ARHGAP25: variants seen among roughly 807,000 people sequenced by gnomAD.
ARHGAP25 encodes Rho GTPase activating protein 25, also known as rho GTPase-activating protein 25.
In ARHGAP25, 34 loss-of-function variants were observed where a neutral mutation model predicts 71.0. The ratio of observed to expected loss-of-function variants is 0.48; its 90% CI spans 0.36 to 0.64. ARHGAP25 has a LOEUF of 0.64. Ranked by LOEUF, ARHGAP25 falls within the 30% of genes least tolerant of loss-of-function variation. ARHGAP25 has a pLI of 0.00. For synonymous variants in ARHGAP25, 282 were observed against 296.5 expected, an observed-to-expected ratio of 0.95 and a Z score of 0.50; for missense variants, 706 against 805.1, an observed-to-expected ratio of 0.88 and a Z score of 1.49.
chr2:68,804,430 C>T (rs10519168), intron 4 of ARHGAP25, among the ~76,000 whole-genome samples: 8,224 of 152,214 alleles, frequency 0.054, 305 homozygotes, highest in Admixed American at 0.099. Flanking sequence ...TGTTTTAAGT[C>T]GGAATATTTC....
At chr2:68,782,407 G>C (rs114607278) in intron 3 of ARHGAP25, 87 bp downstream of exon 3, 6 of 1,251,590 alleles carry the variant, frequency 4.8e-6, no homozygotes, top group Admixed American at 1.8e-5. Context: ...AGCTATATTC[G>C]GAGAGTAATT....
chr2:68,764,134 G>A (rs904707092), intron 1 of ARHGAP25, among the ~76,000 whole-genome samples: 11 of 152,156 alleles, frequency 7.2e-5, no homozygotes, highest in Non-Finnish European at 1.6e-4. Flanking sequence ...GTTGTCTTTT[G>A]CATTCAGGTT....
At chr2:68,825,931 G>A in intron 10 of ARHGAP25, 56 bp from the exon 11 acceptor site, 1 of 1,472,632 alleles carries the variant, frequency 6.8e-7, no homozygotes, top group Non-Finnish European at 9.4e-7. Context: ...CAAGGGGGAA[G>A]GAAGAGTCTA....
intron 7 of ARHGAP25, 81 bp downstream of exon 7, chr2:68,816,443 C>A: frequency 3.5e-6 from 4 of 1,152,528 alleles, no homozygotes; most frequent in Non-Finnish European, 5.2e-6. Flanking sequence ...GGGACCACGT[C>A]TGTGAACAGA....
Position 68,822,640 on chromosome 2 carries a change from T to C in ARHGAP25, c.1501T>C (p.Ser501Pro), listed in dbSNP as rs1343767056. The C allele has an allele frequency of 1.2e-6, 2 of 1,614,080 alleles. No individual in the cohort carries two copies. The highest frequency in any genetic ancestry group is 2.2e-5 in the South Asian group (2 of 91,090). ...CCAACTTTCTGACTCCCAACGGACT[T>C]CCACCTACGATAACGTCCCTTCCCT... ...LRQLSDSQRT[S>P]TYDNVPSLPG... is the part of the protein sequence containing the mutation. The change falls in exon 10 of 11, where the codon TCC becomes CCC. Residue 501 changes from serine to proline, a missense_variant. By Grantham distance (74) the Ser-to-Pro change is moderately conservative (BLOSUM62 -1). Coordinates refer to ENST00000409202, the MANE Select transcript of ARHGAP25 (RefSeq NM_001007231.3).
rs376885831 is a variant in ARHGAP25 at position 68,824,898 on chromosome 2, C to T, written c.1734-1089C>T. 7.9e-5 allele frequency among the ~76,000 whole-genome samples: 12 copies of T among 152,248 alleles called. No individual in the cohort carries two copies. In the East Asian group the frequency reaches 1.4e-3, roughly 17 times the overall value. ...CCCAAGTTTTGGGCTCACATGGGAG[C>T]TCAAGTCTCCCTTGTGCAAATGGGC... On this transcript the variant is annotated intron_variant, in intron 10 of 10. Coordinates refer to ENST00000409202, the MANE Select transcript of ARHGAP25 (RefSeq NM_001007231.3).
intron 1 of ARHGAP25, among the ~76,000 whole-genome samples, chr2:68,769,678 C>T (rs1318246633): frequency 6.6e-6 from 1 of 152,108 alleles, no homozygotes; most frequent in Non-Finnish European, 1.5e-5. Context: ...TGACAAGGGT[C>T]CAGAGCCAGG....
chr2:68,736,758 G>T (rs1289081555), intron 1 of ARHGAP25, among the ~76,000 whole-genome samples: 1 of 152,014 alleles, frequency 6.6e-6, no homozygotes, highest in African/African-American at 2.4e-5. Flanking sequence ...CTCACATCAA[G>T]TGCTGGCTAA....
chr2:68,814,572 A>G (rs1172507529), intron 6 of ARHGAP25, among the ~76,000 whole-genome samples: 1 of 152,150 alleles, frequency 6.6e-6, no homozygotes, highest in East Asian at 1.9e-4. Context: ...ATTTTTTTCA[A>G]TATAAGGGAA....
chr2:68,730,529 A>C (rs1203116231), upstream of ARHGAP25, among the ~76,000 whole-genome samples: 1 of 152,150 alleles, frequency 6.6e-6, no homozygotes, highest in Admixed American at 6.5e-5. Flanking sequence ...GAAAGCTTGC[A>C]GTCCCACCTG....
chr2:68,788,275 C>G (rs1439588779), intron 4 of ARHGAP25, among the ~76,000 whole-genome samples: 1 of 152,208 alleles, frequency 6.6e-6, no homozygotes, highest in Admixed American at 6.5e-5. Flanking sequence ...CCAAAGTACT[C>G]TCATCTGTAA....
chr2:68,775,134 CT>C lies in ARHGAP25; in HGVS notation c.62-86del, dbSNP rs201005061. Reference sequence around the variant, plus strand: ...TGTCGTCCCCCCGCTTCTCAGCCCCCTCTGGGGTTCCTCTCTCCTCTCCGCC... The same window carrying C: ...TGTCGTCCCCCCGCTTCTCAGCCCCCCTGGGGTTCCTCTCTCCTCTCCGCC... On this transcript the variant is annotated intron_variant, in intron 1 of 10. Transcript: ENST00000409202. 8.2e-4 allele frequency: 1,327 copies of C among 1,609,730 alleles called. 8 individuals carry two copies. In the African/African-American group the frequency reaches 0.015, roughly 19 times the overall value.
rs1472271102 is a variant in ARHGAP25, at chr2:68,810,735, T to C, written c.675-2552T>C. ...CAATTTCTTTTCTTTTCTTCTCTTTTTTTTTTTTTTTTTTTTTGAGACCAA... is the reference window on the plus strand; with the variant it reads ...CAATTTCTTTTCTTTTCTTCTCTTTCTTTTTTTTTTTTTTTTTGAGACCAA... On this transcript the variant is annotated intron_variant, in intron 5 of 10. Transcript: ENST00000409202. Among the ~76,000 whole-genome samples, 24 of 139,614 alleles carry C rather than the reference T, an allele frequency of 1.7e-4. 1 individual carries two copies. The highest frequency in any genetic ancestry group is 7.3e-3 in the Middle Eastern group (2 of 274). 91.6% of individuals were successfully genotyped at this position (139,614 alleles called of 152,430 possible).
In ARHGAP25 at chr2:68,787,465, G is replaced by A. The variant is rs550276105; in HGVS notation, c.350-375G>A. Among the ~76,000 whole-genome samples, 38 of 152,322 alleles carry A rather than the reference G, an allele frequency of 2.5e-4. 1 individual carries two copies. Among genetic ancestry groups the A allele is most frequent in the African/African-American group, 4.8e-5 (2 of 41,570 alleles). The stretch of plus-strand genomic sequence containing the variant: ...AGGACTAGCTTAGGAAAGTATCCAC[G>A]GTTGGCGTGATGATCTAAAGTCTTC... On this transcript the variant is annotated intron_variant, in intron 3 of 10. Transcript: ENST00000409202.
intron 4 of ARHGAP25, among the ~76,000 whole-genome samples, chr2:68,798,261 A>G (rs1396047230): frequency 2.6e-5 from 4 of 152,182 alleles, no homozygotes; most frequent in East Asian, 3.8e-4. Flanking sequence ...CCACAGCACA[A>G]TTTAGCCTGG....
chr2:68,751,306 G>A (rs895289577), intron 1 of ARHGAP25, among the ~76,000 whole-genome samples: 2 of 152,176 alleles, frequency 1.3e-5, no homozygotes, highest in Admixed American at 6.5e-5. Context: ...ACTTTGGATA[G>A]AAACCAGAGG....
chr2:68,738,051 A>T (rs1573396409), intron 1 of ARHGAP25, among the ~76,000 whole-genome samples: 1 of 152,158 alleles, frequency 6.6e-6, no homozygotes, highest in Admixed American at 6.5e-5. Flanking sequence ...TGACCTATTG[A>T]TCCTGGCAGG....
intron 4 of ARHGAP25, among the ~76,000 whole-genome samples, chr2:68,790,187 C>G (rs958833601): frequency 2.6e-5 from 4 of 152,142 alleles, no homozygotes; most frequent in African/African-American, 9.7e-5. Context: ...CAGGGTTTCA[C>G]CTTGTTTTGG....
In ARHGAP25 at chr2:68,804,922, A is replaced by G. The variant is rs73933393; in HGVS notation, c.467-2351A>G. On this transcript the variant is annotated intron_variant, in intron 4 of 10. Coordinates refer to ENST00000409202, the MANE Select transcript of ARHGAP25 (RefSeq NM_001007231.3). ...AGCCTTTCCTCCTATTCTCAGTAGC[A>G]GGGAGCTTACAATCATGCAGATGAC... is the stretch of plus-strand genomic sequence containing the variant. 4.0e-3 allele frequency among the ~76,000 whole-genome samples: 608 copies of G among 152,312 alleles called. 2 individuals are homozygous for G. The highest frequency in any genetic ancestry group is 0.014 in the African/African-American group (592 of 41,582).
Sources: allele counts gnomAD v4.1 joint callset (sites outside exome capture counted in the v4.1 genomes callset), GRCh38; gene constraint gnomAD v4.1.1; transcripts MANE v1.5; gene names NCBI Gene and HGNC (gene_info 2026-07-23, HGNC 2026-07-21).